PBLD: variants seen among roughly 807,000 people sequenced by gnomAD.
PBLD encodes phenazine biosynthesis-like domain-containing protein.
In PBLD, 26 loss-of-function variants were observed where a neutral mutation model predicts 31.3. The ratio of observed to expected loss-of-function variants is 0.83; its 90% CI spans 0.61 to 1.15. The LOEUF is 1.15. Among genes scored for constraint, PBLD ranks in the 50% most tolerant of loss-of-function variants. The probability of loss-of-function intolerance (pLI) is 0.00; values close to 1 mark genes in which losing one functional copy is unlikely to be tolerated. For missense variants in PBLD, 307 were observed against 351.7 expected (o/e 0.87, Z 1.02); for synonymous variants, 114 against 129.0 (o/e 0.88, Z 0.79).
Position 68,302,169 on chromosome 10 carries a change from C to A in PBLD, c.84+4592G>T, listed in dbSNP as rs959143597. On this transcript the variant is annotated intron_variant, in intron 2 of 9. Transcript: ENST00000358769. ...ACTAGGAGCTTCTTTTCAAACGCTGCACAAAACAGTTACAAACCAACAGCT... is the reference window on the plus strand; with the variant it reads ...ACTAGGAGCTTCTTTTCAAACGCTGAACAAAACAGTTACAAACCAACAGCT... Among the ~76,000 whole-genome samples the A allele has an allele frequency of 2.0e-5, 3 of 152,230 alleles. No homozygotes were observed. The East Asian group carries it at 5.8e-4, about 29-fold the overall frequency.
chr10:68,298,783 CACACACACACAT>C (rs1427068543), intron 2 of PBLD, among the ~76,000 whole-genome samples: 1 of 143,694 alleles, frequency 7.0e-6, no homozygotes, highest in Non-Finnish European at 1.5e-5. Context: ...CACACACACA[CACACACACACAT>C]TCCTCTTAAC....
At chr10:68,313,132 C>T (rs1164527218) in intron 1 of PBLD, among the ~76,000 whole-genome samples, 1 of 152,148 alleles carries the variant, frequency 6.6e-6, no homozygotes, top group Non-Finnish European at 1.5e-5. Flanking sequence ...CCAAGCTGGT[C>T]TCAAACTCCT....
intron 6 of PBLD, 113 bp downstream of exon 6, chr10:68,291,897 C>A: frequency 8.3e-7 from 1 of 1,198,076 alleles, no homozygotes; most frequent in South Asian, 1.4e-5. Context: ...AAACCTGAAA[C>A]ACTGTAACAT....
intron 6 of PBLD, 76 bp from the exon 7 acceptor site, chr10:68,289,095 C>T (rs1310196944): frequency 6.2e-6 from 7 of 1,125,998 alleles, no homozygotes; most frequent in East Asian, 4.7e-5. Context: ...GGGAAATGAC[C>T]TCTCATTGAG....
intron 1 of PBLD, among the ~76,000 whole-genome samples, chr10:68,318,151 T>C (rs1003015519): frequency 3.3e-5 from 5 of 150,220 alleles, no homozygotes; most frequent in Admixed American, 6.6e-5. Flanking sequence ...GGTGAGAACC[T>C]GGGAGGCGGA....
intron 8 of PBLD, among the ~76,000 whole-genome samples, chr10:68,286,082 A>ATTT (rs1189723188): frequency 6.3e-5 from 4 of 63,664 alleles, no homozygotes; most frequent in Non-Finnish European, 1.6e-4. Flanking sequence ...CCTTTGAATA[A>ATTT]TTCTTTTTTT....
Position 68,309,866 on chromosome 10 carries a change from C to T in PBLD, c.-59-2963G>A, listed in dbSNP as rs934654966. Among the ~76,000 whole-genome samples the T allele has an allele frequency of 6.1e-5, 9 of 148,454 alleles. 1 individual carries two copies. Among genetic ancestry groups the T allele is most frequent in the African/African-American group, 1.5e-4 (6 of 40,298 alleles). On this transcript the variant is annotated intron_variant, in intron 1 of 9. Transcript: ENST00000358769. ...ATATAAATATGTAGGCCAGGCACGGCGGCTCACACCTGTCATCCCAACATT... is the reference window on the plus strand; with the variant it reads ...ATATAAATATGTAGGCCAGGCACGGTGGCTCACACCTGTCATCCCAACATT...
At chr10:68,314,448 G>A (rs1318392011) in intron 1 of PBLD, among the ~76,000 whole-genome samples, 1 of 152,156 alleles carries the variant, frequency 6.6e-6, no homozygotes, top group East Asian at 1.9e-4. Context: ...CCAGCTACAT[G>A]ATAGCTTTGA....
chr10:68,288,984 A>G lies in PBLD; in HGVS notation c.459T>C (p.Cys153=), dbSNP rs748392928. ...AIGNTLVQDI[C]YSPDTQKLLV... ...GGAGCTTTTGGGTATCTGGAGAATA[A>G]CAGATGTCCTGGACCAGTGTGTTGC... Residue 153 remains cysteine, a synonymous_variant, in exon 7 of 10, where the codon TGT becomes TGC. Transcript: ENST00000358769. The G allele has an allele frequency of 4.3e-6, 7 of 1,614,194 alleles. No individual in the cohort carries two copies. The South Asian group carries it at 6.6e-5, about 15-fold the overall frequency.
chr10:68,305,917 A>C (rs2044571922), intron 2 of PBLD, among the ~76,000 whole-genome samples: 1 of 152,126 alleles, frequency 6.6e-6, no homozygotes, highest in South Asian at 2.1e-4. Context: ...ACTTTGCCCA[A>C]CTTAATATGA....
intron 7 of PBLD, 111 bp from the exon 8 acceptor site, chr10:68,288,772 G>T: frequency 7.5e-7 from 1 of 1,332,916 alleles, no homozygotes; most frequent in Non-Finnish European, 1.1e-6. Context: ...TAACAGGAGG[G>T]GAAGGAAGAA....
At chr10:68,307,076 G>A (rs983929240) in intron 1 of PBLD, among the ~76,000 whole-genome samples, 173 bp from the exon 2 acceptor site, 4 of 151,778 alleles carry the variant, frequency 2.6e-5, no homozygotes, top group African/African-American at 7.3e-5. Context: ...TTGCCCAGGC[G>A]GGAGTGCAGT....
intron 2 of PBLD, 55 bp from the exon 3 acceptor site, chr10:68,297,040 T>C: frequency 7.4e-7 from 1 of 1,342,566 alleles, no homozygotes; most frequent in Non-Finnish European, 1.1e-6. Context: ...CAGACTTCCT[T>C]TGGACAACAA....
chr10:68,297,115 C>T lies in PBLD; in HGVS notation c.85-130G>A, dbSNP rs1364320179. ...TTACACGCTTAAAAGGAAATAATTA[C>T]CAAGGAATTCAAGGCACTTTTATAA... On this transcript the variant is annotated intron_variant, in intron 2 of 9. Transcript: ENST00000358769. The T allele has an allele frequency of 1.4e-5, 10 of 736,366 alleles. No homozygotes were observed. In the East Asian group the frequency reaches 2.1e-4, roughly 15 times the overall value. The allele number at this position is 736,366 out of a possible 1,614,324, so 45.6% of individuals were successfully genotyped here.
In PBLD at chr10:68,308,880, GTT is replaced by G. The variant is rs1491580599; in HGVS notation, c.-59-1979_-59-1978del. Among the ~76,000 whole-genome samples, 39 of 148,180 alleles carry G rather than the reference GTT, an allele frequency of 2.6e-4. 2 individuals carry two copies. The highest frequency in any genetic ancestry group is 9.4e-4 in the African/African-American group (37 of 39,486). ...TGTGTGTGTGTGTGTGTGTGTGTGT[GTT>G]TGTGTGTGTGTGTTGAGACCATTCT... On this transcript the variant is annotated intron_variant, in intron 1 of 9. Transcript: ENST00000358769.
chr10:68,326,228 C>T (rs972415387), intron 1 of PBLD, among the ~76,000 whole-genome samples: 5 of 151,990 alleles, frequency 3.3e-5, no homozygotes, highest in African/African-American at 7.3e-5. Flanking sequence ...TTAGTAGAGA[C>T]GTGGTCTCAC....
At chr10:68,319,099 GAAA>G (rs2044789089) in intron 1 of PBLD, among the ~76,000 whole-genome samples, 1 of 125,324 alleles carries the variant, frequency 8.0e-6, no homozygotes, top group African/African-American at 3.4e-5. Flanking sequence ...AAGAAAGAAA[GAAA>G]GAAAGAAAGG....
intron 9 of PBLD, among the ~76,000 whole-genome samples, chr10:68,284,896 A>G (rs2044267938): frequency 6.6e-6 from 1 of 152,222 alleles, no homozygotes; most frequent in Non-Finnish European, 1.5e-5. Flanking sequence ...TCCTTGGATG[A>G]TCAGGGCAGT....
chr10:68,319,055 GAA>G (rs60539171), intron 1 of PBLD, among the ~76,000 whole-genome samples: 941 of 55,252 alleles, frequency 0.017, 5 homozygotes, highest in African/African-American at 0.034. Context: ...GAAAGAGAGA[GAA>G]AGAAAGAAAG....
Sources: gnomAD v4.1 joint callset for allele counts (sites outside exome capture counted in the v4.1 genomes callset) on GRCh38, gnomAD v4.1.1 for gene constraint, MANE v1.5 for transcripts, NCBI Gene and HGNC (gene_info 2026-07-23, HGNC 2026-07-21) for gene names.